Variants in KCNK2 observed in about 807,000 individuals in gnomAD.
KCNK2 encodes the protein potassium channel subfamily K member 2.
In KCNK2, 21 loss-of-function variants were observed where a neutral mutation model predicts 40.5. The observed-to-expected ratio is 0.52, with a 90% confidence interval of 0.37 to 0.75. KCNK2 has a LOEUF of 0.75. Ranked by LOEUF, KCNK2 falls within the 30% of genes least tolerant of loss-of-function variation. The pLI, the probability that KCNK2 is intolerant of heterozygous loss-of-function variation, is 0.00. For synonymous variants in KCNK2, 191 were observed against 202.2 expected (o/e 0.94, Z 0.47); for missense variants, 399 against 531.6 (o/e 0.75, Z 2.45).
chr1:215,118,101 T>A (rs1661027056), intron 2 of KCNK2, among the ~76,000 whole-genome samples: 1 of 152,134 alleles, frequency 6.6e-6, no homozygotes, highest in Non-Finnish European at 1.5e-5. Flanking sequence ...GCTCCACCAG[T>A]GCAGTCTGTG....
At chr1:215,216,671 T>G (rs1337439692) in intron 6 of KCNK2, among the ~76,000 whole-genome samples, 1 of 152,008 alleles carries the variant, frequency 6.6e-6, no homozygotes, top group East Asian at 1.9e-4. Flanking sequence ...AATAATATAT[T>G]GTATTTAACC....
At chr1:215,201,037 G>C (rs370240974) in intron 6 of KCNK2, among the ~76,000 whole-genome samples, 1 of 152,136 alleles carries the variant, frequency 6.6e-6, no homozygotes, top group East Asian at 1.9e-4. Context: ...GAATATAGAC[G>C]AATTCACCTA....
chr1:215,036,053 AT>A (rs547659355), intron 1 of KCNK2, among the ~76,000 whole-genome samples: 6 of 150,838 alleles, frequency 4.0e-5, no homozygotes, highest in Admixed American at 1.3e-4. Flanking sequence ...CCAATTTATA[AT>A]TTTTTTATGG....
rs1666905269 is a variant in KCNK2, at chr1:215,236,563, A to C, written c.*1418A>C. 6.6e-6 allele frequency: 1 copy of C among 152,282 alleles called. No individual in the cohort carries two copies. The allele number at this position is 152,282 out of a possible 1,614,324, so 9.4% of individuals were successfully genotyped here. A position where few individuals can be genotyped will look rare whatever the true frequency, so the allele number is the denominator to read the frequency against. On this transcript the variant is annotated 3_prime_UTR_variant, in exon 7 of 7. Coordinates refer to ENST00000444842, the MANE Select transcript of KCNK2 (RefSeq NM_001017425.3). ...AGAGGCTGATTATTCTTTTTAGTTTAATTTTATATCCTGTAATTCTTTGGA... is the reference window on the plus strand; with the variant it reads ...AGAGGCTGATTATTCTTTTTAGTTTCATTTTATATCCTGTAATTCTTTGGA...
chr1:215,157,087 G>A lies in KCNK2; in HGVS notation c.476-12112G>A, dbSNP rs139993110. Among the ~76,000 whole-genome samples the A allele has an allele frequency of 1.6e-3, 251 of 152,188 alleles. 1 individual carries two copies. Among genetic ancestry groups the A allele is most frequent in the African/African-American group, 5.9e-3 (247 of 41,540 alleles). On this transcript the variant is annotated intron_variant, in intron 3 of 6. Coordinates refer to ENST00000444842, the MANE Select transcript of KCNK2 (RefSeq NM_001017425.3). The stretch of plus-strand genomic sequence containing the variant: ...CAGAAATTTATTTTCCTCCCACAAG[G>A]CCCCTCCTCTGACACTTGGGGAGTG...
intron 2 of KCNK2, among the ~76,000 whole-genome samples, chr1:215,097,626 A>G (rs1245507659): frequency 6.6e-6 from 1 of 151,978 alleles, no homozygotes; most frequent in Admixed American, 6.6e-5. Context: ...GGTTAGTAGC[A>G]GATAAAGTGT....
At chr1:215,156,045 ATATAT>A (rs758478809) in intron 3 of KCNK2, among the ~76,000 whole-genome samples, 4 of 145,932 alleles carry the variant, frequency 2.7e-5, no homozygotes, top group Non-Finnish European at 6.0e-5. Context: ...ATATTTGTAG[ATATAT>A]TATAGGTAGT....
chr1:215,010,463 C>T (rs954054764), intron 1 of KCNK2, among the ~76,000 whole-genome samples: 1 of 152,160 alleles, frequency 6.6e-6, no homozygotes, highest in Non-Finnish European at 1.5e-5. Context: ...TTAGAGAAGA[C>T]CTTGCTCTGC....
In KCNK2 at chr1:215,045,392, C is replaced by T. The variant is rs1254206426; in HGVS notation, c.34+39437C>T. 1.2e-4 allele frequency among the ~76,000 whole-genome samples: 18 copies of T among 152,088 alleles called. 1 individual carries two copies. The highest frequency in any genetic ancestry group is 1.2e-3 in the Admixed American group (18 of 15,270). ...GGTCTTTGTACTATTAATTATGTCC[C>T]TGTATGAGCTGCTGGAGGAATCTAA... On this transcript the variant is annotated intron_variant, in intron 1 of 6. Transcript: ENST00000391895.
intron 6 of KCNK2, among the ~76,000 whole-genome samples, chr1:215,216,925 A>G (rs1366700243): frequency 2.0e-5 from 3 of 152,150 alleles, no homozygotes; most frequent in Non-Finnish European, 4.4e-5. Context: ...CCTGTCTTAA[A>G]CCAAAGCTGT....
chr1:215,213,428 G>T (rs2102691236), intron 6 of KCNK2, among the ~76,000 whole-genome samples: 1 of 152,202 alleles, frequency 6.6e-6, no homozygotes, highest in African/African-American at 2.4e-5. Flanking sequence ...TGCCAACATG[G>T]TGAAAACCCA....
chr1:215,136,925 T>C (rs1204799378), intron 3 of KCNK2, among the ~76,000 whole-genome samples: 2 of 152,224 alleles, frequency 1.3e-5, no homozygotes, highest in African/African-American at 4.8e-5. Flanking sequence ...GATAAAAAAC[T>C]GTATTTTATA....
At chr1:215,132,767 T>G (rs1254611437) in intron 3 of KCNK2, among the ~76,000 whole-genome samples, 1 of 152,204 alleles carries the variant, frequency 6.6e-6, no homozygotes, top group Non-Finnish European at 1.5e-5. Context: ...TAAAATGTGT[T>G]TCTCAGAGAA....
chr1:215,160,316 G>C (rs1055874029), intron 3 of KCNK2, among the ~76,000 whole-genome samples: 5 of 152,180 alleles, frequency 3.3e-5, no homozygotes, highest in Admixed American at 6.5e-5. Flanking sequence ...GAAATGTCTG[G>C]ATGTGGAGAG....
At position 215,125,053 on chromosome 1, in the gene KCNK2, T is replaced by C. The variant is rs543638230; in HGVS notation, c.475+303T>C. On this transcript the variant is annotated intron_variant, in intron 3 of 6. Coordinates refer to ENST00000444842, the MANE Select transcript of KCNK2 (RefSeq NM_001017425.3). ...TAAAATGATTATTTCTTTAGGCAAT[T>C]AGTTTTTAATTTTCCTGAATTTTTG... Among the ~76,000 whole-genome samples, 24 of 152,304 alleles carry C rather than the reference T, an allele frequency of 1.6e-4. No homozygotes were observed. In the South Asian group the frequency reaches 4.6e-3, roughly 29 times the overall value.
At chr1:215,025,016 G>A (rs61820012) in intron 1 of KCNK2, among the ~76,000 whole-genome samples, 17,806 of 146,526 alleles carry the variant, frequency 0.12, 2,330 homozygotes, top group African/African-American at 0.33. Context: ...TGTGAATTTA[G>A]CCTTATAATA....
intron 3 of KCNK2, among the ~76,000 whole-genome samples, chr1:215,153,731 T>C (rs1208557282): frequency 6.6e-6 from 1 of 151,816 alleles, no homozygotes; most frequent in Non-Finnish European, 1.5e-5. Context: ...ACCTGTCCTC[T>C]AAAATTCCCT....
rs867707744 is a variant in KCNK2, at chr1:215,172,085, C to T, written c.725C>T (p.Ala242Val). 15 of 1,613,178 alleles carry T rather than the reference C, an allele frequency of 9.3e-6. No individual in the cohort carries two copies. Among genetic ancestry groups the T allele is most frequent in the Non-Finnish European group, 1.2e-5 (14 of 1,179,424 alleles). ...TGTGTACTCTTTGTGGCTCTGCCTGCGATCATATTCAAACACATAGAAGGC... is the reference window on the plus strand; with the variant it reads ...TGTGTACTCTTTGTGGCTCTGCCTGTGATCATATTCAAACACATAGAAGGC... ...FGCVLFVALP[A>V]IIFKHIEGWS... Residue 242 changes from alanine to valine, a missense_variant, in exon 5 of 7, where the codon GCG (alanine) becomes GTG (valine). Ala to Val is a moderately conservative substitution (Grantham distance 64, BLOSUM62 0). This residue lies in a region of KCNK2 where 279 missense variants were observed against 353.8 expected (regional missense o/e 0.79). Coordinates refer to ENST00000444842, the MANE Select transcript of KCNK2 (RefSeq NM_001017425.3).
intron 1 of KCNK2, among the ~76,000 whole-genome samples, chr1:215,040,899 G>C (rs2601632): frequency 0.85 from 129,556 of 152,112 alleles, 55,461 homozygotes; most frequent in East Asian, 0.99. Context: ...GAACCATGCT[G>C]TGTGTGGAGG....
Sources: allele counts gnomAD v4.1 joint callset (sites outside exome capture counted in the v4.1 genomes callset), GRCh38; gene constraint gnomAD v4.1.1; regional missense constraint gnomAD v4.1.1; transcripts MANE v1.5; gene names NCBI Gene and HGNC (gene_info 2026-07-23, HGNC 2026-07-21).